KCNMA1: variants seen among roughly 807,000 people sequenced by gnomAD.
KCNMA1 encodes Calcium-activated potassium channel subunit alpha-1.
A neutral mutation model predicts 140.0 loss-of-function variants in KCNMA1; 29 were observed. The ratio of observed to expected loss-of-function variants is 0.21; its 90% confidence interval spans 0.15 to 0.28. The LOEUF is 0.28. Among genes scored for constraint, KCNMA1 ranks in the 10% least tolerant of loss-of-function variants. The pLI is 1.00. For missense variants in KCNMA1, 880 were observed against 1,602.2 expected, an observed-to-expected ratio of 0.55 and a Z score of 7.70; for synonymous variants, 612 against 611.9, an observed-to-expected ratio of 1.00 and a Z score of 0.00.
At chr10:76,908,973 GT>G (rs1488408774) in intron 25 of KCNMA1, among the ~76,000 whole-genome samples, 1 of 152,092 alleles carries the variant, frequency 6.6e-6, no homozygotes, top group African/African-American at 2.4e-5. Flanking sequence ...TTGTTTTTCG[GT>G]TGCAAAAGTG....
chr10:77,541,721 A>G (rs1004100410), intron 1 of KCNMA1, among the ~76,000 whole-genome samples: 5 of 152,236 alleles, frequency 3.3e-5, no homozygotes, highest in African/African-American at 9.6e-5. Flanking sequence ...ACTGGTTCTC[A>G]GTCTTGGAAG....
intron 24 of KCNMA1, chr10:76,911,572 T>A (rs2050276215): frequency 6.6e-6 from 1 of 152,226 alleles, no homozygotes; most frequent in African/African-American, 2.4e-5. Flanking sequence ...CTCATACGAA[T>A]GGGATGGTGC....
At chr10:77,319,519 A>G (rs2081760977) in intron 2 of KCNMA1, among the ~76,000 whole-genome samples, 1 of 152,162 alleles carries the variant, frequency 6.6e-6, no homozygotes, top group South Asian at 2.1e-4. Flanking sequence ...TCGCCCTCCA[A>G]AAGCCTCACC....
chr10:76,989,483 A>T (rs998094036), intron 19 of KCNMA1, among the ~76,000 whole-genome samples: 1 of 152,198 alleles, frequency 6.6e-6, no homozygotes, highest in African/African-American at 2.4e-5. Flanking sequence ...AGAAGAAGGA[A>T]GATAATCAGA....
chr10:77,262,368 T>C (rs912629283), intron 2 of KCNMA1, among the ~76,000 whole-genome samples: 5 of 152,154 alleles, frequency 3.3e-5, no homozygotes, highest in African/African-American at 1.2e-4. Flanking sequence ...GTCACATTCA[T>C]TGAGACAGGA....
chr10:77,575,158 C>G (rs1226593412), intron 1 of KCNMA1, among the ~76,000 whole-genome samples: 1 of 152,132 alleles, frequency 6.6e-6, no homozygotes, highest in Admixed American at 6.5e-5. Flanking sequence ...CCACCAGTGC[C>G]CAGAACGAGC....
Position 77,084,540 on chromosome 10 carries a change from G to T in KCNMA1, c.1523+97C>A. On this transcript the variant is annotated intron_variant, in intron 12 of 27. Coordinates refer to ENST00000286628, the MANE Select transcript of KCNMA1 (RefSeq NM_001161352.2). Reference sequence around the variant, plus strand: ...TGTACAGTGGCTTGTGGGGCAAAAAGGCCTCATAGAGATAGTCCTCTGCAG... The same window carrying T: ...TGTACAGTGGCTTGTGGGGCAAAAATGCCTCATAGAGATAGTCCTCTGCAG... 4.4e-6 allele frequency: 4 copies of T among 913,502 alleles called. No individual in the cohort carries two copies. The East Asian group carries it at 7.8e-5, about 18-fold the overall frequency. 56.6% of individuals were successfully genotyped at this position (913,502 alleles called of 1,614,324 possible).
intron 1 of KCNMA1, among the ~76,000 whole-genome samples, chr10:77,454,250 T>A (rs2097717894): frequency 1.3e-5 from 2 of 152,164 alleles, no homozygotes; most frequent in African/African-American, 4.8e-5. Context: ...ACATCTACAG[T>A]GTATTTCAGG....
chr10:77,411,650 C>T (rs929547849), intron 1 of KCNMA1, among the ~76,000 whole-genome samples: 8 of 152,258 alleles, frequency 5.3e-5, no homozygotes, highest in Middle Eastern at 3.4e-3. Context: ...AAAGTGCCCA[C>T]GAAAGGTTTA....
chr10:77,590,304 C>T (rs1357345075), intron 1 of KCNMA1, among the ~76,000 whole-genome samples: 2 of 152,216 alleles, frequency 1.3e-5, no homozygotes, highest in Non-Finnish European at 2.9e-5. Context: ...CTTGGGTGGT[C>T]GATGGGACTG....
Position 77,636,893 on chromosome 10 carries a change from C to G in KCNMA1, c.378+372G>C, listed in dbSNP as rs987634250. The G allele has an allele frequency of 1.2e-4, 164 of 1,421,056 alleles. No homozygotes were observed. Among genetic ancestry groups the G allele is most frequent in the Admixed American group, 2.5e-4 (8 of 32,436 alleles). 88.0% of individuals were successfully genotyped at this position (1,421,056 alleles called of 1,614,324 possible). A position where few individuals can be genotyped will look rare whatever the true frequency, so the allele number is the denominator to read the frequency against. On this transcript the variant is annotated intron_variant, in intron 1 of 27. Coordinates refer to ENST00000286628, the MANE Select transcript of KCNMA1 (RefSeq NM_001161352.2). ...GCAGGTGAGCGGTGCAAAACACGCA[C>G]CCAGCTGCCCCCAGCTTCCTCCGTC...
chr10:77,046,162 T>A, intron 14 of KCNMA1, among the ~76,000 whole-genome samples: 1 of 152,240 alleles, frequency 6.6e-6, no homozygotes, highest in East Asian at 1.9e-4. Context: ...AAAAAGTCTA[T>A]CTGAATTTTC....
chr10:76,963,459 G>C (rs1178784494), intron 20 of KCNMA1, among the ~76,000 whole-genome samples: 1 of 152,140 alleles, frequency 6.6e-6, no homozygotes, highest in African/African-American at 2.4e-5. Context: ...AATCTATATG[G>C]CTTCAGTAAA....
Position 77,252,094 on chromosome 10 carries a change from C to T in KCNMA1, c.541-838G>A, listed in dbSNP as rs545401288. Among the ~76,000 whole-genome samples, 5 of 152,330 alleles carry T rather than the reference C, an allele frequency of 3.3e-5. No individual in the cohort carries two copies. The South Asian group carries it at 8.3e-4, about 25-fold the overall frequency. ...AATCCTTGTCCTACTTTACACTCTT[C>T]ACTCAAAATTAATCTCCATGGATGG... On this transcript the variant is annotated intron_variant, in intron 2 of 27. Transcript: ENST00000286628.
intron 14 of KCNMA1, among the ~76,000 whole-genome samples, chr10:77,043,660 T>TA (rs994915698): frequency 1.3e-5 from 2 of 152,270 alleles, no homozygotes; most frequent in Admixed American, 6.5e-5. Flanking sequence ...TATTCAGTCT[T>TA]AAAAAAGAAG....
At chr10:77,292,539 G>A (rs753625196) in intron 2 of KCNMA1, among the ~76,000 whole-genome samples, 5 of 152,192 alleles carry the variant, frequency 3.3e-5, no homozygotes, top group East Asian at 1.9e-4. Context: ...CCCAGAGGGC[G>A]GAAGGAAGGG....
chr10:77,187,676 ACT>A (rs753351661), intron 3 of KCNMA1, among the ~76,000 whole-genome samples: 4 of 152,094 alleles, frequency 2.6e-5, no homozygotes, highest in Non-Finnish European at 5.9e-5. Context: ...GAAGCAGGAA[ACT>A]CTGGGACAAA....
chr10:77,430,592 C>G (rs946569930), intron 1 of KCNMA1, among the ~76,000 whole-genome samples: 1 of 152,196 alleles, frequency 6.6e-6, no homozygotes, highest in Non-Finnish European at 1.5e-5. Flanking sequence ...GGAACAACGC[C>G]TAGTGAAACA....
intron 19 of KCNMA1, among the ~76,000 whole-genome samples, chr10:76,983,470 C>A (rs988746039): frequency 9.9e-5 from 15 of 152,150 alleles, no homozygotes; most frequent in African/African-American, 3.1e-4. Context: ...TGGTGGCTCA[C>A]ATTTGTAATC....
Sources: gnomAD v4.1 joint callset for allele counts (sites outside exome capture counted in the v4.1 genomes callset) on GRCh38, gnomAD v4.1.1 for gene constraint, MANE v1.5 for transcripts, NCBI Gene and HGNC (gene_info 2026-07-23, HGNC 2026-07-21) for gene names.